Variants in ALK observed in about 807,000 individuals in gnomAD.
The protein encoded by ALK is ALK tyrosine kinase receptor.
ALK carries 74 observed loss-of-function variants against 163.1 expected under a neutral mutation model. That is an observed-to-expected ratio of 0.45 (90% CI 0.38 to 0.55). The LOEUF (loss-of-function observed/expected upper bound fraction) is 0.55. ALK is among the 20% of genes least tolerant of loss of function. The pLI, the probability that ALK is intolerant of heterozygous loss-of-function variation, is 0.00. For synonymous variants in ALK, 960 were observed against 843.2 expected (o/e 1.14, Z -2.40); for missense variants, 2,063 against 2,105.3 (o/e 0.98, Z 0.39).
chr2:29,650,113 A>C (rs922235432), intron 3 of ALK, among the ~76,000 whole-genome samples: 2 of 152,182 alleles, frequency 1.3e-5, no homozygotes, highest in Non-Finnish European at 2.9e-5. Flanking sequence ...GCAGATGAAT[A>C]TTAGGGAGTA....
chr2:29,561,182 T>C (rs1674012810), intron 3 of ALK, among the ~76,000 whole-genome samples: 1 of 152,194 alleles, frequency 6.6e-6, no homozygotes, highest in African/African-American at 2.4e-5. Context: ...GAATTAAGTA[T>C]GTAGCTCGCA....
intron 4 of ALK, among the ~76,000 whole-genome samples, chr2:29,511,160 G>T (rs1384366491): frequency 6.6e-6 from 1 of 152,078 alleles, no homozygotes; most frequent in Non-Finnish European, 1.5e-5. Flanking sequence ...TCCATTTAAA[G>T]TGTACAGGTT....
chr2:29,291,227 G>A (rs1260355271), intron 9 of ALK, among the ~76,000 whole-genome samples: 1 of 151,966 alleles, frequency 6.6e-6, no homozygotes, highest in African/African-American at 2.4e-5. Context: ...AGCTGGGCAT[G>A]GTGGTGCACG....
At chr2:29,837,244 A>G (rs1665586336) in intron 1 of ALK, among the ~76,000 whole-genome samples, 2 of 152,178 alleles carry the variant, frequency 1.3e-5, no homozygotes, top group Non-Finnish European at 2.9e-5. Flanking sequence ...CTTGTTGGAG[A>G]GTGACATCAC....
chr2:29,505,415 G>A (rs1378273683), intron 4 of ALK, among the ~76,000 whole-genome samples: 1 of 152,162 alleles, frequency 6.6e-6, no homozygotes, highest in Non-Finnish European at 1.5e-5. Flanking sequence ...AGTTCAAGTG[G>A]ACTGATAAGT....
chr2:29,827,179 C>T (rs1298772640), intron 1 of ALK, among the ~76,000 whole-genome samples: 1 of 152,224 alleles, frequency 6.6e-6, no homozygotes, highest in Non-Finnish European at 1.5e-5. Context: ...TCAGAGGCAG[C>T]TCTGGGAGCA....
intron 3 of ALK, among the ~76,000 whole-genome samples, chr2:29,589,541 T>C (rs1199241128): frequency 6.6e-6 from 1 of 152,196 alleles, no homozygotes; most frequent in African/African-American, 2.4e-5. Flanking sequence ...GCTAGAACCA[T>C]AAGGCAGGTC....
chr2:29,519,598 G>A (rs1007569353), intron 4 of ALK, among the ~76,000 whole-genome samples: 1 of 152,176 alleles, frequency 6.6e-6, no homozygotes, highest in African/African-American at 2.4e-5. Flanking sequence ...TGGAACCCTG[G>A]AGACTGTCCG....
At chr2:29,869,086 A>G (rs1230776606) in intron 1 of ALK, among the ~76,000 whole-genome samples, 1 of 152,168 alleles carries the variant, frequency 6.6e-6, no homozygotes, top group Non-Finnish European at 1.5e-5. Flanking sequence ...CCAGCTACTG[A>G]GTCTTCCTCA....
rs538150109 is a variant in ALK at position 29,311,273 on chromosome 2, T to G, written c.1647+7031A>C. Among the ~76,000 whole-genome samples the G allele has an allele frequency of 2.6e-5, 4 of 152,280 alleles. No individual in the cohort carries two copies. In the South Asian group the frequency reaches 8.3e-4, roughly 32 times the overall value. On this transcript the variant is annotated intron_variant, in intron 8 of 28. Transcript: ENST00000389048. ...AAAATGCACCATCTATGAGCCTAAT[T>G]GTGACCTAGGGGATGGAGTGAGATC...
intron 3 of ALK, among the ~76,000 whole-genome samples, chr2:29,553,918 T>A (rs1673777881): frequency 6.6e-6 from 1 of 152,204 alleles, no homozygotes; most frequent in Admixed American, 6.5e-5. Flanking sequence ...TCCTTGTTGA[T>A]TTGTAAGAAC....
At chr2:29,642,782 C>T (rs1475703189) in intron 3 of ALK, among the ~76,000 whole-genome samples, 1 of 152,152 alleles carries the variant, frequency 6.6e-6, no homozygotes, top group African/African-American at 2.4e-5. Context: ...TCCATTAGTA[C>T]TACATGGATA....
chr2:29,392,151 T>A (rs1162354771), intron 4 of ALK, among the ~76,000 whole-genome samples: 1 of 152,222 alleles, frequency 6.6e-6, no homozygotes, highest in South Asian at 2.1e-4. Flanking sequence ...GAGCCTCCCA[T>A]TCCAGACATA....
intron 23 of ALK, among the ~76,000 whole-genome samples, chr2:29,217,258 G>A (rs540745512): frequency 2.7e-5 from 4 of 149,026 alleles, no homozygotes; most frequent in African/African-American, 1.0e-4. Flanking sequence ...ATGTACGTGT[G>A]TGGTGTGTTT....
chr2:29,392,973 A>ACTGAATG (rs1669212780), intron 4 of ALK, among the ~76,000 whole-genome samples: 1 of 152,198 alleles, frequency 6.6e-6, no homozygotes, highest in African/African-American at 2.4e-5. Flanking sequence ...GTTTAAGATC[A>ACTGAATG]CTCAAAGTTC....
At chr2:29,879,180 A>G (rs1303698341) in intron 1 of ALK, among the ~76,000 whole-genome samples, 1 of 152,172 alleles carries the variant, frequency 6.6e-6, no homozygotes, top group Non-Finnish European at 1.5e-5. Context: ...CCCAGGACAC[A>G]CGATCCTGAC....
intron 3 of ALK, among the ~76,000 whole-genome samples, chr2:29,592,304 A>C (rs1488193411): frequency 6.6e-6 from 1 of 152,138 alleles, no homozygotes; most frequent in Admixed American, 6.5e-5. Flanking sequence ...CACTCCGAGG[A>C]GCTGGTCACA....
At chr2:29,695,636 G>A (rs1678532990) in intron 2 of ALK, among the ~76,000 whole-genome samples, 1 of 151,966 alleles carries the variant, frequency 6.6e-6, no homozygotes, top group Non-Finnish European at 1.5e-5. Context: ...CTAATAACTA[G>A]AATCTACAAA....
chr2:29,403,139 T>C (rs920165298), intron 4 of ALK, among the ~76,000 whole-genome samples: 3 of 152,206 alleles, frequency 2.0e-5, no homozygotes, highest in South Asian at 4.1e-4. Flanking sequence ...ACACAGCTTC[T>C]AGCACCGTAC....
Sources: allele counts gnomAD v4.1 joint callset (sites outside exome capture counted in the v4.1 genomes callset), GRCh38; gene constraint gnomAD v4.1.1; transcripts MANE v1.5; gene names NCBI Gene and HGNC (gene_info 2026-07-23, HGNC 2026-07-21).